RBM41: variants seen among roughly 807,000 people sequenced by gnomAD.
RBM41 encodes RNA binding motif protein 41, also known as RNA-binding protein 41.
A neutral mutation model predicts 30.8 loss-of-function variants in RBM41; 14 were observed. The ratio of observed to expected loss-of-function variants is 0.45; its 90% CI spans 0.30 to 0.71. The LOEUF is 0.71. Ranked by LOEUF, RBM41 falls within the 30% of genes least tolerant of loss-of-function variation. The probability of loss-of-function intolerance (pLI) is 0.08; values close to 1 mark genes in which losing one functional copy is unlikely to be tolerated. For synonymous variants in RBM41, 120 were observed against 110.1 expected, an observed-to-expected ratio of 1.09 and a Z score of -0.56; for missense variants, 276 against 326.3, an observed-to-expected ratio of 0.85 and a Z score of 1.19.
intron 5 of RBM41, among the ~76,000 whole-genome samples, chrX:107,105,419 A>G (rs766788478): frequency 1.9e-5 from 2 of 106,798 alleles, no homozygotes; most frequent in East Asian, 5.9e-4. Context: ...GGAAGAATCA[A>G]TATCGTGAAA....
intron 1 of RBM41, among the ~76,000 whole-genome samples, chrX:107,117,645 T>C (rs2074036020): frequency 8.9e-6 from 1 of 112,115 alleles, no homozygotes; most frequent in Non-Finnish European, 1.9e-5. Context: ...GCTTTTACAA[T>C]AGAAACGCCA....
At chrX:107,088,876 G>T (rs374956990) in intron 5 of RBM41, 37 bp from the exon 6 acceptor site, 94 of 1,155,720 alleles carry the variant, frequency 8.1e-5, no homozygotes, top group Non-Finnish European at 1.1e-4. Context: ...GTTCTACAAA[G>T]CCTACCAATA....
At chrX:107,091,473 G>A (rs1922536047) in intron 5 of RBM41, among the ~76,000 whole-genome samples, 1 of 111,452 alleles carries the variant, frequency 9.0e-6, no homozygotes, top group Non-Finnish European at 1.9e-5. Flanking sequence ...TTTGCTTCAG[G>A]TTGTTTTTGA....
At chrX:107,087,994 G>A (rs1922190467) in intron 6 of RBM41, among the ~76,000 whole-genome samples, 1 of 112,141 alleles carries the variant, frequency 8.9e-6, no homozygotes, top group Non-Finnish European at 1.9e-5. Flanking sequence ...CAGCCAGGTA[G>A]AGCATTCTGA....
intron 6 of RBM41, among the ~76,000 whole-genome samples, chrX:107,076,535 T>C (rs1936234987): frequency 9.1e-6 from 1 of 110,083 alleles, no homozygotes; most frequent in Admixed American, 9.8e-5. Context: ...AAACAGAAAG[T>C]AGAATGGTAG....
rs376424995 is a variant in RBM41 at position 107,115,970 on chromosome X, G to C, written c.210C>G (p.Ser70=). 2.1e-5 allele frequency: 25 copies of C among 1,208,240 alleles called. No individual in the cohort carries two copies. The highest frequency in any genetic ancestry group is 2.7e-5 in the Non-Finnish European group (24 of 894,161). The part of the protein sequence containing the change: ...GKEAAGTMTL[S]QFQTLHEKDQ... ...CCTTCTCATGCAGTGTCTGGAATTG[G>C]GACAAAGTCATAGTCCCAGCTGCTT... is the stretch of plus-strand genomic sequence containing the variant. The change falls in exon 3 of 8, where the codon TCC becomes TCG. Residue 70 remains serine (S), a synonymous_variant. Coordinates refer to ENST00000685964, the MANE Select transcript of RBM41 (RefSeq NM_001324242.2).
At chrX:107,059,895 A>G (rs1301522947), downstream of RBM41, among the ~76,000 whole-genome samples, 1 of 111,616 alleles carries the variant, frequency 9.0e-6, no homozygotes, top group East Asian at 2.8e-4. Context: ...AAAAATGACA[A>G]CTCAACATCT....
In RBM41 at chrX:107,067,489, C is replaced by T. The variant is rs1935884231; in HGVS notation, c.*38G>A. Reference sequence around the variant, plus strand: ...AAATCCTAGATCCAAGATTCCAATTCAAGAAAGACCATCCAGGACCCACAA... The same window carrying T: ...AAATCCTAGATCCAAGATTCCAATTTAAGAAAGACCATCCAGGACCCACAA... On this transcript the variant is annotated 3_prime_UTR_variant, in exon 8 of 8. Transcript: ENST00000685964. 1 of 1,130,881 alleles carries T rather than the reference C, an allele frequency of 8.8e-7. No individual in the cohort carries two copies. Among genetic ancestry groups the T allele is most frequent in the South Asian group, 2.4e-5 (1 of 40,979 alleles). The allele number at this position is 1,130,881 out of a possible 1,213,427, so 93.2% of individuals were successfully genotyped here. A position where few individuals can be genotyped will look rare whatever the true frequency, so the allele number is the denominator to read the frequency against.
At chrX:107,111,618 A>C (rs957081751) in intron 5 of RBM41, among the ~76,000 whole-genome samples, 1 of 111,821 alleles carries the variant, frequency 8.9e-6, no homozygotes, top group Non-Finnish European at 1.9e-5. Context: ...CATTATTCAC[A>C]AAAGCTAAAA....
At chrX:107,099,637 A>G (rs1404328170) in intron 5 of RBM41, among the ~76,000 whole-genome samples, 1 of 109,947 alleles carries the variant, frequency 9.1e-6, no homozygotes, top group African/African-American at 3.3e-5. Flanking sequence ...TAAAACCACA[A>G]TGAAACAAAC....
At chrX:107,088,352 A>G (rs775894395) in intron 6 of RBM41, 84 bp downstream of exon 6, 168 of 940,824 alleles carry the variant, frequency 1.8e-4, no homozygotes, top group Non-Finnish European at 2.3e-4. Context: ...TGGTATAATC[A>G]AAGCTAATTT....
intron 6 of RBM41, among the ~76,000 whole-genome samples, chrX:107,086,041 C>A (rs1248133045): frequency 8.9e-6 from 1 of 111,743 alleles, no homozygotes; most frequent in Non-Finnish European, 1.9e-5. Flanking sequence ...AGGAATGTAA[C>A]AGGTAACTCA....
At chrX:107,078,936 A>G (rs1442841232) in intron 6 of RBM41, among the ~76,000 whole-genome samples, 2 of 110,692 alleles carry the variant, frequency 1.8e-5, no homozygotes, top group Non-Finnish European at 3.8e-5. Flanking sequence ...TAATGATTTT[A>G]TATTGTTCTT....
intron 6 of RBM41, among the ~76,000 whole-genome samples, chrX:107,078,916 A>G (rs911190585): frequency 9.0e-6 from 1 of 110,643 alleles, no homozygotes; most frequent in South Asian, 3.8e-4. Flanking sequence ...CATGTCAAAG[A>G]ACAATAAAAT....
intron 6 of RBM41, among the ~76,000 whole-genome samples, chrX:107,084,689 T>G (rs952041581): frequency 9.0e-6 from 1 of 111,506 alleles, no homozygotes; most frequent in Non-Finnish European, 1.9e-5. Flanking sequence ...ATGGCTCCAG[T>G]GCGTTTTGCT....
chrX:107,054,931 A>G, the RBM41 span, among the ~76,000 whole-genome samples: 1 of 112,015 alleles, frequency 8.9e-6, no homozygotes, highest in Non-Finnish European at 1.9e-5. Context: ...TTGTGCAACC[A>G]TCACCTCTAT....
intron 6 of RBM41, among the ~76,000 whole-genome samples, chrX:107,078,908 T>C (rs1295387954): frequency 1.8e-5 from 2 of 110,771 alleles, no homozygotes; most frequent in Non-Finnish European, 3.8e-5. Context: ...AAAATCATCA[T>C]GTCAAAGAAC....
chrX:107,080,536 C>T (rs1376317664), intron 6 of RBM41, among the ~76,000 whole-genome samples: 4 of 111,913 alleles, frequency 3.6e-5, no homozygotes, highest in Non-Finnish European at 7.5e-5. Context: ...TGAGACTGCA[C>T]CACTGCACTC....
intron 6 of RBM41, among the ~76,000 whole-genome samples, chrX:107,079,574 A>T (rs963953015): frequency 8.9e-6 from 1 of 111,864 alleles, no homozygotes; most frequent in Admixed American, 9.5e-5. Flanking sequence ...AGGTTGTTTT[A>T]CAGTTAGACT....
Sources: gnomAD v4.1 joint callset for allele counts (sites outside exome capture counted in the v4.1 genomes callset) on GRCh38, gnomAD v4.1.1 for gene constraint, MANE v1.5 for transcripts, NCBI Gene and HGNC (gene_info 2026-07-23, HGNC 2026-07-21) for gene names.